The following GCFC2 variants were observed in gnomAD, a reference collection of about 807,000 sequenced individuals.
The protein encoded by GCFC2 is intron Large complex component GCFC2.
A neutral mutation model predicts 99.4 loss-of-function variants in GCFC2; 102 were observed. The ratio of observed to expected loss-of-function variants is 1.03; its 90% confidence interval spans 0.87 to 1.21. The LOEUF (loss-of-function observed/expected upper bound fraction) is 1.21, where lower values mean the gene tolerates loss of function less well. Among genes scored for constraint, GCFC2 ranks in the 50% most tolerant of loss-of-function variants. GCFC2 has a pLI of 0.00. For missense variants in GCFC2, 973 were observed against 920.9 expected (o/e 1.06, Z -0.73); for synonymous variants, 338 against 316.8 (o/e 1.07, Z -0.71).
intron 14 of GCFC2, chr2:75,670,524 C>T: frequency 3.1e-6 from 1 of 323,986 alleles, no homozygotes; most frequent in Non-Finnish European, 5.9e-6. Context: ...CAAATAACTT[C>T]ACTAGAGCCT....
chr2:75,670,391 G>A (rs1679044280), intron 14 of GCFC2, 107 bp from the exon 15 acceptor site: 1 of 699,512 alleles, frequency 1.4e-6, no homozygotes, highest in Non-Finnish European at 2.5e-6. Flanking sequence ...ACTACAATTA[G>A]CCCTGTTGGA....
At chr2:75,689,945 T>C (rs2104338325) in intron 9 of GCFC2, 24 bp downstream of exon 9, 2 of 1,215,608 alleles carry the variant, frequency 1.6e-6, no homozygotes, top group South Asian at 2.6e-5. Flanking sequence ...CAAACCATGA[T>C]ATATTAGAAA....
At chr2:75,695,456 T>C (rs1680266524) in intron 5 of GCFC2, among the ~76,000 whole-genome samples, 1 of 152,132 alleles carries the variant, frequency 6.6e-6, no homozygotes. Context: ...TTTTTGGTAA[T>C]ATAGAAAAAT....
Position 75,689,102 on chromosome 2 carries a change from G to T in GCFC2, c.1463C>A (p.Ala488Asp), listed in dbSNP as rs1376522287. The change falls in exon 10 of 17, where the codon GCT (alanine) becomes GAT (aspartate). Residue 488 changes from alanine (A) to aspartate (D), a missense_variant. Coordinates refer to ENST00000321027, the MANE Select transcript of GCFC2 (RefSeq NM_003203.5). ...CTTTGGTATGCATAAACTAATGAAA[G>T]CTTCATAATAGGAGTCAGGAAACTT... ...REKFPDSYYE[A>D]FISLCIPKLL... 4 of 1,595,642 alleles carry T rather than the reference G, an allele frequency of 2.5e-6. No homozygotes were observed. In the African/African-American group the frequency reaches 4.0e-5, roughly 16 times the overall value.
upstream of GCFC2, chr2:75,711,027 T>C: frequency 7.5e-7 from 1 of 1,336,790 alleles, no homozygotes; most frequent in Non-Finnish European, 9.5e-7. Flanking sequence ...TTTGGCTCCC[T>C]GGATCTGGTA....
chr2:75,697,171 T>C (rs1021403512), intron 4 of GCFC2, among the ~76,000 whole-genome samples: 5 of 152,238 alleles, frequency 3.3e-5, no homozygotes, highest in Non-Finnish European at 5.9e-5. Context: ...TTCACATTAG[T>C]GTCCTCTGTC....
intron 13 of GCFC2, among the ~76,000 whole-genome samples, chr2:75,672,852 A>G (rs1285802135): frequency 6.6e-6 from 1 of 152,186 alleles, no homozygotes; most frequent in African/African-American, 2.4e-5. Flanking sequence ...ACCACTCTAT[A>G]TCACCTGCTA....
intron 11 of GCFC2, among the ~76,000 whole-genome samples, chr2:75,681,639 T>C (rs1679584432): frequency 6.6e-6 from 1 of 151,786 alleles, no homozygotes. Context: ...GGGAGCCAAG[T>C]AGTCTGGCTT....
intron 4 of GCFC2, among the ~76,000 whole-genome samples, chr2:75,699,794 C>A (rs898313544): frequency 4.1e-4 from 63 of 151,952 alleles, no homozygotes; most frequent in African/African-American, 1.4e-3. Context: ...TCAGGCTGGT[C>A]TCAAACTACT....
chr2:75,699,835 C>G (rs747854748), intron 4 of GCFC2, among the ~76,000 whole-genome samples: 2 of 151,660 alleles, frequency 1.3e-5, no homozygotes, highest in Non-Finnish European at 2.9e-5. Flanking sequence ...CCTTGGCCTT[C>G]CGAAGTGCTG....
rs1391169438 is a variant in GCFC2, at chr2:75,687,974, C to A, written c.1543G>T (p.Glu515Ter). 2 of 1,545,144 alleles carry A rather than the reference C, an allele frequency of 1.3e-6. No individual in the cohort carries two copies. Among genetic ancestry groups the A allele is most frequent in the Admixed American group, 2.2e-5 (1 of 45,578 alleles). ...GGCATCTCTTTTAAACCTGTGGATT[C>A]CAACTTACAAAGAAAATTACAAAAG... ...QLIDWNPLKL[E>*]STGLKEMPWF... Residue 515 changes from glutamate to a stop codon, truncating the protein, a stop_gained, in exon 11 of 17, where the codon GAA becomes TAA. Coordinates refer to ENST00000321027, the MANE Select transcript of GCFC2 (RefSeq NM_003203.5). LOFTEE classifies it high-confidence loss of function.
At chr2:75,706,848 T>C (rs1011069202) in intron 1 of GCFC2, among the ~76,000 whole-genome samples, 197 bp from the exon 2 acceptor site, 1 of 152,122 alleles carries the variant, frequency 6.6e-6, no homozygotes, top group Admixed American at 6.5e-5. Context: ...AAGACCCTAT[T>C]TGTATTATCT....
Position 75,692,004 on chromosome 2 carries a change from C to T in GCFC2, c.1117G>A (p.Glu373Lys). Residue 373 changes from glutamate to lysine, a missense_variant, in exon 7 of 17, where the codon GAA (glutamate) becomes AAA (lysine). By Grantham distance (56) the Glu-to-Lys change is moderately conservative (BLOSUM62 1). Transcript: ENST00000321027. ...MKRRQDELKH[E>K]STYLQQLSRK... ...GATAACTGTTGTAAATACGTTGATT[C>T]ATGTTTTAATTCATCTTGCCTGCGT... The T allele has an allele frequency of 6.5e-7, 1 of 1,549,128 alleles. No individual in the cohort carries two copies. Among genetic ancestry groups the T allele is most frequent in the Admixed American group, 1.8e-5 (1 of 55,664 alleles).
upstream of GCFC2, chr2:75,711,091 A>C: frequency 7.7e-7 from 1 of 1,296,490 alleles, no homozygotes; most frequent in Non-Finnish European, 9.7e-7. Flanking sequence ...TTGCCAGGTT[A>C]GGTTGCGTGG....
chr2:75,666,551 C>T (rs960885043), intron 15 of GCFC2, among the ~76,000 whole-genome samples: 1 of 152,070 alleles, frequency 6.6e-6, no homozygotes, highest in Non-Finnish European at 1.5e-5. Context: ...CAGTGTAATA[C>T]ATTGCCTTAA....
chr2:75,708,247 C>T (rs1680960129), intron 1 of GCFC2, among the ~76,000 whole-genome samples: 1 of 152,146 alleles, frequency 6.6e-6, no homozygotes. Context: ...CTTATATTCT[C>T]TACTGTGAAC....
intron 1 of GCFC2, 34 bp downstream of exon 1, chr2:75,710,557 T>C: frequency 6.8e-7 from 1 of 1,471,496 alleles, no homozygotes. Flanking sequence ...CCCTGTGCCG[T>C]CACCTCCCCG....
chr2:75,701,745 A>G (rs1008783634), intron 3 of GCFC2: 2 of 421,810 alleles, frequency 4.7e-6, no homozygotes, highest in African/African-American at 2.1e-5. Flanking sequence ...CCTTGGTCAA[A>G]TGCATATATC....
rs115693556 is a variant in GCFC2, at chr2:75,700,549, T to C, written c.717+641A>G. ...CAGTCTCCAAAGAGAAAATTGGATA[T>C]ATTTGTATTATACAGAACAGGCGTT... On this transcript the variant is annotated intron_variant, in intron 4 of 16. Transcript: ENST00000321027. Among the ~76,000 whole-genome samples the C allele has an allele frequency of 2.1e-3, 323 of 152,306 alleles. 2 individuals are homozygous for C. Among genetic ancestry groups the C allele is most frequent in the African/African-American group, 7.4e-3 (309 of 41,556 alleles).
Sources: allele counts gnomAD v4.1 joint callset (sites outside exome capture counted in the v4.1 genomes callset), GRCh38; gene constraint gnomAD v4.1.1; transcripts MANE v1.5; gene names NCBI Gene and HGNC (gene_info 2026-07-23, HGNC 2026-07-21).